ANKS1B: variants seen among roughly 807,000 people sequenced by gnomAD.
ANKS1B encodes the protein ankyrin repeat and sterile alpha motif domain-containing protein 1B.
In ANKS1B, 36 loss-of-function variants were observed where a neutral mutation model predicts 148.3. The observed-to-expected ratio is 0.24, with a 90% CI of 0.19 to 0.32. The LOEUF is 0.32. Ranked by LOEUF, ANKS1B falls within the 10% of genes least tolerant of loss-of-function variation. ANKS1B has a pLI of 1.00. For synonymous variants in ANKS1B, 542 were observed against 560.8 expected, an observed-to-expected ratio of 0.97 and a Z score of 0.47; for missense variants, 1,157 against 1,542.6, an observed-to-expected ratio of 0.75 and a Z score of 4.19.
chr12:98,822,597 T>C (rs558510156), intron 19 of ANKS1B, among the ~76,000 whole-genome samples: 1 of 152,214 alleles, frequency 6.6e-6, no homozygotes, highest in Non-Finnish European at 1.5e-5. Flanking sequence ...AAACAGAATA[T>C]TTTCTATTGA....
chr12:99,974,543 G>A (rs2095602521), intron 1 of ANKS1B, among the ~76,000 whole-genome samples: 1 of 152,054 alleles, frequency 6.6e-6, no homozygotes, highest in Non-Finnish European at 1.5e-5. Context: ...CATTTCTCAT[G>A]TCTCCAGTCA....
At chr12:98,750,624 C>G (rs999934225) in intron 26 of ANKS1B, among the ~76,000 whole-genome samples, 4 of 152,116 alleles carry the variant, frequency 2.6e-5, no homozygotes, top group Non-Finnish European at 4.4e-5. Flanking sequence ...GGATGCAATA[C>G]GGCAGCCGGG....
intron 12 of ANKS1B, among the ~76,000 whole-genome samples, chr12:99,275,568 A>C (rs2077574644): frequency 6.6e-6 from 1 of 152,222 alleles, no homozygotes; most frequent in Non-Finnish European, 1.5e-5. Context: ...CATATGCACC[A>C]CATTTTGTTT....
At chr12:99,480,146 T>G (rs553452728) in intron 10 of ANKS1B, among the ~76,000 whole-genome samples, 3 of 151,890 alleles carry the variant, frequency 2.0e-5, no homozygotes, top group East Asian at 1.9e-4. Flanking sequence ...ATTCAAAAAT[T>G]TTTTCATATT....
chr12:99,550,392 G>A (rs11830951), intron 9 of ANKS1B, among the ~76,000 whole-genome samples: 34,727 of 152,050 alleles, frequency 0.23, 4,193 homozygotes, highest in East Asian at 0.36. Flanking sequence ...GGGAGGCTGA[G>A]GCAGGCAGAT....
At chr12:99,676,431 A>C (rs573407268) in intron 8 of ANKS1B, among the ~76,000 whole-genome samples, 15 of 152,330 alleles carry the variant, frequency 9.8e-5, no homozygotes, top group African/African-American at 3.6e-4. Flanking sequence ...TTTTAAAGAA[A>C]AATGGAAGAT....
intron 17 of ANKS1B, among the ~76,000 whole-genome samples, chr12:98,838,838 C>T (rs1387694357): frequency 6.6e-6 from 1 of 152,200 alleles, no homozygotes; most frequent in Non-Finnish European, 1.5e-5. Context: ...GCGGTGGAAA[C>T]TGATCTGCTT....
chr12:98,882,269 G>A (rs2099709956), intron 17 of ANKS1B, among the ~76,000 whole-genome samples: 1 of 152,138 alleles, frequency 6.6e-6, no homozygotes, highest in African/African-American at 2.4e-5. Context: ...GGGCTACAGT[G>A]CTTGAACAAT....
chr12:99,747,989 G>C (rs6538930), intron 8 of ANKS1B, among the ~76,000 whole-genome samples: 101,568 of 151,706 alleles, frequency 0.67, 34,080 homozygotes, highest in Non-Finnish European at 0.7. Context: ...AGCACTTTTG[G>C]CCTCATGTGT....
intron 1 of ANKS1B, among the ~76,000 whole-genome samples, chr12:99,942,314 C>T (rs2094940006): frequency 6.6e-6 from 1 of 152,012 alleles, no homozygotes; most frequent in African/African-American, 2.4e-5. Flanking sequence ...TTAGGACTGA[C>T]AAAAAGGCCA....
chr12:99,060,088 G>T (rs567845461), intron 16 of ANKS1B, among the ~76,000 whole-genome samples: 21 of 152,146 alleles, frequency 1.4e-4, no homozygotes, highest in Admixed American at 2.6e-4. Flanking sequence ...TCGCAACAAG[G>T]CAATTTGATT....
chr12:99,056,136 C>T (rs1434997915), intron 16 of ANKS1B, among the ~76,000 whole-genome samples: 1 of 152,152 alleles, frequency 6.6e-6, no homozygotes. Flanking sequence ...AATATTTAAT[C>T]AATGCCTATT....
At chr12:98,918,357 G>A (rs1335134143) in intron 17 of ANKS1B, among the ~76,000 whole-genome samples, 2 of 152,216 alleles carry the variant, frequency 1.3e-5, no homozygotes, top group African/African-American at 4.8e-5. Context: ...CCATGTGTAA[G>A]CGGAAGCTAT....
chr12:99,267,586 T>TTCATTC (rs1566772319), intron 12 of ANKS1B, among the ~76,000 whole-genome samples: 2 of 93,614 alleles, frequency 2.1e-5, no homozygotes, highest in East Asian at 2.1e-4. Context: ...TTCATTCATT[T>TTCATTC]ATTCAATCTT....
chr12:99,555,492 A>G (rs1284937817), intron 9 of ANKS1B, among the ~76,000 whole-genome samples: 5 of 152,256 alleles, frequency 3.3e-5, no homozygotes, highest in African/African-American at 1.2e-4. Flanking sequence ...ACAAGTGGTG[A>G]GACTGGGCAT....
chr12:99,292,884 T>C (rs1287056363), intron 12 of ANKS1B, among the ~76,000 whole-genome samples: 10 of 151,054 alleles, frequency 6.6e-5, no homozygotes, highest in African/African-American at 2.4e-4. Context: ...GAAATAGGAA[T>C]GCTTTTACAC....
chr12:98,944,751 C>T (rs1597364907), intron 17 of ANKS1B, among the ~76,000 whole-genome samples: 1 of 152,324 alleles, frequency 6.6e-6, no homozygotes, highest in East Asian at 1.9e-4. Flanking sequence ...AAGTCAAATA[C>T]TTCTCTTGCT....
At chr12:99,733,420 C>G (rs547893389) in intron 8 of ANKS1B, among the ~76,000 whole-genome samples, 2 of 152,106 alleles carry the variant, frequency 1.3e-5, no homozygotes, top group East Asian at 3.9e-4. Flanking sequence ...TGCCATGATA[C>G]GACAATAAAT....
At chr12:99,467,922 T>C (rs79684447) in intron 10 of ANKS1B, among the ~76,000 whole-genome samples, 1 of 151,790 alleles carries the variant, frequency 6.6e-6, no homozygotes. Context: ...TTTCTTCACA[T>C]AATTGGAAAA....
Sources: allele counts gnomAD v4.1 joint callset (sites outside exome capture counted in the v4.1 genomes callset), GRCh38; gene constraint gnomAD v4.1.1; transcripts MANE v1.5; gene names NCBI Gene and HGNC (gene_info 2026-07-23, HGNC 2026-07-21).